PLEKHD1: variants seen among roughly 807,000 people sequenced by gnomAD.
PLEKHD1 encodes pleckstrin homology domain-containing family D member 1.
A neutral mutation model predicts 69.2 loss-of-function variants in PLEKHD1; 51 were observed. That is an observed-to-expected ratio of 0.74 (90% confidence interval 0.59 to 0.93). The LOEUF (loss-of-function observed/expected upper bound fraction) is 0.93, where lower values mean the gene tolerates loss of function less well. PLEKHD1 is among the 40% of genes least tolerant of loss of function. The pLI is 0.00. For synonymous variants in PLEKHD1, 236 were observed against 244.7 expected (o/e 0.96, Z 0.33); for missense variants, 584 against 641.0 (o/e 0.91, Z 0.96).
At chr14:69,526,611 C>A in intron 9 of PLEKHD1, 86 bp from the exon 10 acceptor site, 1 of 1,408,240 alleles carries the variant, frequency 7.1e-7, no homozygotes, top group Non-Finnish European at 9.3e-7. Flanking sequence ...GTTTCTCCAG[C>A]CCAGGTCTCT....
intron 6 of PLEKHD1, among the ~76,000 whole-genome samples, chr14:69,507,241 G>C (rs1883173257): frequency 6.6e-6 from 1 of 152,152 alleles, no homozygotes; most frequent in South Asian, 2.1e-4. Flanking sequence ...AGAATGTCAT[G>C]TAGCTGGAGT....
intron 1 of PLEKHD1, among the ~76,000 whole-genome samples, chr14:69,491,151 C>A (rs1463728047): frequency 1.3e-5 from 2 of 152,164 alleles, no homozygotes; most frequent in African/African-American, 4.8e-5. Context: ...AATTTGCTGA[C>A]CAATGTACAC....
At chr14:69,472,247 C>CATGT in the PLEKHD1 span, among the ~76,000 whole-genome samples, 1 of 152,214 alleles carries the variant, frequency 6.6e-6, no homozygotes, top group Non-Finnish European at 1.5e-5. Flanking sequence ...CCTGCCTACA[C>CATGT]ATGTATGTAT....
At chr14:69,518,216 A>G (rs1183387243) in intron 6 of PLEKHD1, among the ~76,000 whole-genome samples, 1 of 151,680 alleles carries the variant, frequency 6.6e-6, no homozygotes, top group Non-Finnish European at 1.5e-5. Context: ...TTGTATTTTT[A>G]TTTTTAGTAG....
intron 5 of PLEKHD1, 116 bp from the exon 6 acceptor site, chr14:69,502,711 C>G: frequency 7.4e-7 from 1 of 1,359,420 alleles, no homozygotes; most frequent in Non-Finnish European, 1.0e-6. Context: ...GCTGCAGGCC[C>G]CTTCCTTGGG....
rs1483308070 is a variant in PLEKHD1, at chr14:69,485,003, C to T, written c.38C>T (p.Pro13Leu). 2 of 1,551,336 alleles carry T rather than the reference C, an allele frequency of 1.3e-6. No individual in the cohort carries two copies. Among genetic ancestry groups the T allele is most frequent in the East Asian group, 2.4e-5 (1 of 40,912 alleles). ...TSKSNSVSPSPSLEQADSDAL... is the reference protein window; with the variant it reads ...TSKSNSVSPSLSLEQADSDAL... Reference sequence around the variant, plus strand: ...AAGTCCAACTCGGTGTCGCCCTCGCCGTCCCTGGAGCAGGCTGACTCGGAC... The same window carrying T: ...AAGTCCAACTCGGTGTCGCCCTCGCTGTCCCTGGAGCAGGCTGACTCGGAC... Residue 13 changes from proline to leucine, a missense_variant, in exon 1 of 13, where the codon CCG becomes CTG. Transcript: ENST00000322564.
the PLEKHD1 span, among the ~76,000 whole-genome samples, chr14:69,475,662 C>G: frequency 6.6e-6 from 1 of 152,168 alleles, no homozygotes; most frequent in Admixed American, 6.5e-5. Context: ...GGCTGTGCTT[C>G]CCCGCAAGTG....
the PLEKHD1 span, among the ~76,000 whole-genome samples, chr14:69,476,011 G>C: frequency 6.6e-6 from 1 of 152,090 alleles, no homozygotes; most frequent in African/African-American, 2.4e-5. Flanking sequence ...TAATCCCAGC[G>C]TTTTGGGGAG....
the PLEKHD1 span, among the ~76,000 whole-genome samples, chr14:69,469,976 C>A: frequency 2.0e-5 from 3 of 151,774 alleles, no homozygotes; most frequent in Non-Finnish European, 4.4e-5. Flanking sequence ...CCCACCTAGG[C>A]CTCCCAAAGT....
At chr14:69,471,092 T>C in the PLEKHD1 span, among the ~76,000 whole-genome samples, 39 of 23,484 alleles carry the variant, frequency 1.7e-3, no homozygotes, top group Non-Finnish European at 2.6e-3. Context: ...TGCCTGGCCT[T>C]TTTTTTTTTT....
chr14:69,528,011 G>C, intron 12 of PLEKHD1, 79 bp downstream of exon 12: 1 of 1,541,210 alleles, frequency 6.5e-7, no homozygotes, highest in Non-Finnish European at 8.7e-7. Context: ...AGAAGGGTTG[G>C]CCCAGCTCTG....
the PLEKHD1 span, among the ~76,000 whole-genome samples, chr14:69,472,930 T>C: frequency 1.3e-5 from 2 of 152,146 alleles, no homozygotes; most frequent in South Asian, 2.1e-4. Context: ...TCGATTCTCA[T>C]AGGAGCATGA....
At chr14:69,509,290 T>C (rs1339865810) in intron 6 of PLEKHD1, among the ~76,000 whole-genome samples, 2 of 152,254 alleles carry the variant, frequency 1.3e-5, no homozygotes, top group African/African-American at 2.4e-5. Context: ...GGGAATGTTT[T>C]CTCCTAGTTT....
chr14:69,471,873 T>C, the PLEKHD1 span, among the ~76,000 whole-genome samples: 1 of 152,212 alleles, frequency 6.6e-6, no homozygotes, highest in East Asian at 1.9e-4. Flanking sequence ...TCCACATTTA[T>C]TTTTACCATA....
At position 69,527,069 on chromosome 14, in the gene PLEKHD1, G is replaced by A. The variant is rs1566567027; in HGVS notation, c.1057-119G>A. ...TTCAAAGGGTAAGACTCAGAAGCGG[G>A]ATGTGATAACTCCCATCCACGCCCA... On this transcript the variant is annotated intron_variant, in intron 10 of 12. Coordinates refer to ENST00000322564, the MANE Select transcript of PLEKHD1 (RefSeq NM_001161498.2). 4 of 1,304,354 alleles carry A rather than the reference G, an allele frequency of 3.1e-6. No individual in the cohort carries two copies. The East Asian group carries it at 7.6e-5, about 25-fold the overall frequency. The allele number at this position is 1,304,354 out of a possible 1,614,324, so 80.8% of individuals were successfully genotyped here. A position where few individuals can be genotyped will look rare whatever the true frequency, so the allele number is the denominator to read the frequency against.
intron 1 of PLEKHD1, among the ~76,000 whole-genome samples, chr14:69,497,341 T>C (rs1358977174): frequency 6.6e-6 from 1 of 152,196 alleles, no homozygotes; most frequent in Non-Finnish European, 1.5e-5. Context: ...GAAATTCCCT[T>C]GGAACAGCCA....
intron 1 of PLEKHD1, among the ~76,000 whole-genome samples, chr14:69,496,505 G>A (rs116061430): frequency 1.2e-4 from 19 of 152,048 alleles, no homozygotes; most frequent in African/African-American, 4.6e-4. Context: ...TGGAGGAAGA[G>A]GAAAAAGAGG....
At chr14:69,491,953 A>G (rs145051707) in intron 1 of PLEKHD1, among the ~76,000 whole-genome samples, 88 of 152,044 alleles carry the variant, frequency 5.8e-4, no homozygotes, top group Non-Finnish European at 1.1e-3. Flanking sequence ...AATAAATTTA[A>G]TTTTCCCTTT....
intron 6 of PLEKHD1, among the ~76,000 whole-genome samples, chr14:69,515,879 C>T (rs535268792): frequency 1.3e-5 from 2 of 152,338 alleles, no homozygotes; most frequent in South Asian, 2.1e-4. Context: ...ACATGAGATT[C>T]GGGCAGGAAC....
Sources: gnomAD v4.1 joint callset for allele counts (sites outside exome capture counted in the v4.1 genomes callset) on GRCh38, gnomAD v4.1.1 for gene constraint, MANE v1.5 for transcripts, NCBI Gene and HGNC (gene_info 2026-07-23, HGNC 2026-07-21) for gene names.